Variants in PIK3AP1 observed in about 807,000 individuals in gnomAD.
PIK3AP1 encodes the protein phosphoinositide-3-kinase adaptor protein 1.
In PIK3AP1, 21 loss-of-function variants were observed where a neutral mutation model predicts 88.1. The observed-to-expected ratio is 0.24, with a 90% CI of 0.17 to 0.34. The LOEUF (loss-of-function observed/expected upper bound fraction) is 0.34. PIK3AP1 is among the 10% of genes least tolerant of loss of function. The pLI, the probability that PIK3AP1 is intolerant of heterozygous loss-of-function variation, is 1.00. For missense variants in PIK3AP1, 828 were observed against 1,035.7 expected (o/e 0.80, Z 2.75); for synonymous variants, 398 against 400.0 (o/e 1.00, Z 0.06).
At chr10:96,703,436 A>T (rs948868555) in intron 2 of PIK3AP1, among the ~76,000 whole-genome samples, 2 of 152,192 alleles carry the variant, frequency 1.3e-5, no homozygotes, top group Non-Finnish European at 2.9e-5. Flanking sequence ...AATAAATAAT[A>T]TTGGGAGAAT....
At position 96,676,654 on chromosome 10, in the gene PIK3AP1, G is replaced by GT. The variant is rs35544369; in HGVS notation, c.431-19721dup. Among the ~76,000 whole-genome samples, 500 of 133,014 alleles carry GT rather than the reference G, an allele frequency of 3.8e-3. 3 individuals carry two copies. Among genetic ancestry groups the GT allele is most frequent in the Admixed American group, 4.9e-3 (66 of 13,550 alleles). 87.3% of individuals were successfully genotyped at this position (133,014 alleles called of 152,430 possible). A position where few individuals can be genotyped will look rare whatever the true frequency, so the allele number is the denominator to read the frequency against. ...AAAACACACACGGGGATTTTCTGGG[G>GT]TTTTTTTTTTTTTTTTTTGAAAGAA... On this transcript the variant is annotated intron_variant, in intron 2 of 16. Transcript: ENST00000339364.
intron 2 of PIK3AP1, among the ~76,000 whole-genome samples, chr10:96,693,801 G>A (rs966028933): frequency 6.6e-6 from 1 of 152,158 alleles, no homozygotes; most frequent in African/African-American, 2.4e-5. Flanking sequence ...CAAACTGCGG[G>A]AACATATTAA....
chr10:96,645,650 T>C lies in PIK3AP1; in HGVS notation c.1198A>G (p.Met400Val). The C allele has an allele frequency of 1.3e-6, 2 of 1,595,004 alleles. No homozygotes were observed. The highest frequency in any genetic ancestry group is 1.7e-6 in the Non-Finnish European group (2 of 1,171,162). ...FIDEYVETVDMLKSHIKEELM... is the reference protein window; with the variant it reads ...FIDEYVETVDVLKSHIKEELM... ...TCCTCTTTAATGTGACTCTTGAGCATGTCCACCGTTTCCTGAAAGAGAAGA... is the reference window on the plus strand; with the variant it reads ...TCCTCTTTAATGTGACTCTTGAGCACGTCCACCGTTTCCTGAAAGAGAAGA... Residue 400 changes from methionine (M) to valine (V), a missense_variant, in exon 8 of 17, where the codon ATG becomes GTG. Met to Val is a conservative substitution (Grantham distance 21, BLOSUM62 1). Around this residue, in one of 3 missense-constraint regions of PIK3AP1, gnomAD observed 610 missense variants for 760.1 expected, o/e 0.80. Coordinates refer to ENST00000339364, the MANE Select transcript of PIK3AP1 (RefSeq NM_152309.3).
chr10:96,637,314 T>TCACACACACA (rs55885337), intron 8 of PIK3AP1, among the ~76,000 whole-genome samples: 185 of 128,060 alleles, frequency 1.4e-3, no homozygotes, highest in Middle Eastern at 7.4e-3. Context: ...AGATATACAA[T>TCACACACACA]CACACACACA....
chr10:96,607,328 C>T (rs1285588901), intron 14 of PIK3AP1, among the ~76,000 whole-genome samples: 1 of 152,198 alleles, frequency 6.6e-6, no homozygotes, highest in Non-Finnish European at 1.5e-5. Flanking sequence ...GTTGCCTACC[C>T]TTTCTGCTCC....
At position 96,597,271 on chromosome 10, in the gene PIK3AP1, TTTCCTTCCTTCCTTCC is replaced by T. The variant is rs536365112; in HGVS notation, c.2361-1653_2361-1638del. Among the ~76,000 whole-genome samples, 613 of 107,602 alleles carry T rather than the reference TTTCCTTCCTTCCTTCC, an allele frequency of 5.7e-3. 6 individuals are homozygous for T. The highest frequency in any genetic ancestry group is 0.016 in the East Asian group (63 of 3,822). The allele number at this position is 107,602 out of a possible 152,430, so 70.6% of individuals were successfully genotyped here. Reference sequence around the variant, plus strand: ...CCTTCTTTTTTTCTTTCTTTCTTTCTTTCCTTCCTTCCTTCCTTCCTTCCTTCCTTCCTTCCTTCCT... The same window carrying T: ...CCTTCTTTTTTTCTTTCTTTCTTTCTTTCCTTCCTTCCTTCCTTCCTTCCT... On this transcript the variant is annotated intron_variant, in intron 16 of 16. Transcript: ENST00000339364.
At chr10:96,708,118 A>G (rs2134289525) in intron 2 of PIK3AP1, among the ~76,000 whole-genome samples, 1 of 152,336 alleles carries the variant, frequency 6.6e-6, no homozygotes. Flanking sequence ...TGGGTGAGAC[A>G]AATTAATGCC....
intron 8 of PIK3AP1, among the ~76,000 whole-genome samples, chr10:96,638,490 ACACACACG>A (rs1170463219): frequency 1.4e-5 from 2 of 143,462 alleles, no homozygotes; most frequent in Admixed American, 7.1e-5. Context: ...ACACACACAC[ACACACACG>A]AATAGCAGTG....
chr10:96,615,668 A>T (rs1168723250), intron 13 of PIK3AP1, among the ~76,000 whole-genome samples: 1 of 152,186 alleles, frequency 6.6e-6, no homozygotes, highest in Non-Finnish European at 1.5e-5. Flanking sequence ...AGAGTGGTCC[A>T]GGAAGGTGTT....
In PIK3AP1 at chr10:96,626,783, CA is replaced by C; in HGVS notation, c.1593del (p.Val532SerfsTer69). On this transcript the variant is annotated frameshift_variant, in exon 10 of 17. Transcript: ENST00000339364. LOFTEE classifies it high-confidence loss of function. ...GTGGTCTCTGGTCTGGGCACTGGGA[CA>C]GGGGGCCTGCTGGCCAGGTCCACAG... Reference protein sequence around the residue: ...AFSVDLASRPPVPVPRPETTA... With the variant: ...AFSVDLASRPXVPVPRPETTA... 1 of 1,614,256 alleles carries C rather than the reference CA, an allele frequency of 6.2e-7. No individual in the cohort carries two copies. The highest frequency in any genetic ancestry group is 8.5e-7 in the Non-Finnish European group (1 of 1,180,034).
chr10:96,703,816 G>A lies in PIK3AP1; in HGVS notation c.430+5751C>T, dbSNP rs113305486. On this transcript the variant is annotated intron_variant, in intron 2 of 16. Transcript: ENST00000339364. Reference sequence around the variant, plus strand: ...CCATCTTCTTAGAAAACTTATAATGGTATATTACAGTGCTGGAGGCTGAAA... The same window carrying A: ...CCATCTTCTTAGAAAACTTATAATGATATATTACAGTGCTGGAGGCTGAAA... 5.9e-3 allele frequency among the ~76,000 whole-genome samples: 891 copies of A among 152,210 alleles called. 11 individuals are homozygous for A. The highest frequency in any genetic ancestry group is 0.02 in the African/African-American group (849 of 41,518).
chr10:96,622,832 ACT>A (rs1320502702), intron 11 of PIK3AP1, among the ~76,000 whole-genome samples: 49 of 152,378 alleles, frequency 3.2e-4, no homozygotes, highest in Middle Eastern at 6.8e-3. Flanking sequence ...TTCCTTTAAA[ACT>A]GTTTAGAAAA....
At chr10:96,596,233 A>C (rs977558141) in intron 16 of PIK3AP1, among the ~76,000 whole-genome samples, 4 of 152,192 alleles carry the variant, frequency 2.6e-5, no homozygotes, top group African/African-American at 7.2e-5. Flanking sequence ...CTTATGCCTC[A>C]GAGCCAATGA....
intron 11 of PIK3AP1, among the ~76,000 whole-genome samples, chr10:96,622,348 A>G (rs372591493): frequency 7.9e-5 from 12 of 152,212 alleles, no homozygotes; most frequent in African/African-American, 2.9e-4. Context: ...AGCTACTCGC[A>G]GCGACCATGG....
chr10:96,604,025 G>A lies in PIK3AP1; in HGVS notation c.2195C>T (p.Thr732Ile). The change falls in exon 15 of 17, where the codon ACC (threonine) becomes ATC (isoleucine). Residue 732 changes from threonine to isoleucine, a missense_variant. By Grantham distance (89) the Thr-to-Ile change is moderately conservative. Coordinates refer to ENST00000339364, the MANE Select transcript of PIK3AP1 (RefSeq NM_152309.3). ...TASSTSNRSS[T>I]RSLLSVSSGM... ...GCTGCTCACACTGAGGAGGCTCCGG[G>A]TGCTGGAGCGGTTACTTGTGCTACC... 2 of 1,607,130 alleles carry A rather than the reference G, an allele frequency of 1.2e-6. No homozygotes were observed. Among genetic ancestry groups the A allele is most frequent in the South Asian group, 1.1e-5 (1 of 89,528 alleles).
chr10:96,597,358 CT>C (rs34736362), intron 16 of PIK3AP1, among the ~76,000 whole-genome samples: 539 of 4,516 alleles, frequency 0.12, 17 homozygotes, highest in African/African-American at 0.16. Flanking sequence ...CTCCCTCCCT[CT>C]CTCTCTCTCT....
At chr10:96,658,234 C>A (rs946504929) in intron 2 of PIK3AP1, among the ~76,000 whole-genome samples, 5 of 152,080 alleles carry the variant, frequency 3.3e-5, no homozygotes, top group Admixed American at 2.6e-4. Flanking sequence ...TCAGAGAGTC[C>A]ATCATCTAAA....
Position 96,709,753 on chromosome 10 carries a change from G to T in PIK3AP1, c.244C>A (p.Pro82Thr). The T allele has an allele frequency of 6.2e-7, 1 of 1,613,948 alleles. No homozygotes were observed. The highest frequency in any genetic ancestry group is 8.5e-7 in the Non-Finnish European group (1 of 1,179,906). ...SAELVQHFHKPALLPLLQRAF... is the reference protein window; with the variant it reads ...SAELVQHFHKTALLPLLQRAF... ...CTCTGCAGCAGGGGCAGCAAGGCGGGCTTGTGGAAGTGCTGCACCAGCTCC... is the reference window on the plus strand; with the variant it reads ...CTCTGCAGCAGGGGCAGCAAGGCGGTCTTGTGGAAGTGCTGCACCAGCTCC... Residue 82 changes from proline (P) to threonine (T), a missense_variant, in exon 2 of 17, where the codon CCC (proline) becomes ACC (threonine). Pro to Thr is a conservative substitution (Grantham distance 38, BLOSUM62 -1). Coordinates refer to ENST00000339364, the MANE Select transcript of PIK3AP1 (RefSeq NM_152309.3).
intron 2 of PIK3AP1, among the ~76,000 whole-genome samples, chr10:96,707,574 T>C (rs1348825079): frequency 6.6e-6 from 1 of 152,186 alleles, no homozygotes; most frequent in Non-Finnish European, 1.5e-5. Context: ...ATTACAGGTG[T>C]GCACCACTGC....
Sources: gnomAD v4.1 joint callset for allele counts (sites outside exome capture counted in the v4.1 genomes callset) on GRCh38, gnomAD v4.1.1 for gene constraint, gnomAD v4.1.1 regional missense constraint, MANE v1.5 for transcripts, NCBI Gene and HGNC (gene_info 2026-07-23, HGNC 2026-07-21) for gene names.